Variants in SYT16 observed in about 807,000 individuals in gnomAD.
The protein encoded by SYT16 is synaptotagmin-16.
A neutral mutation model predicts 61.4 loss-of-function variants in SYT16; 42 were observed. That is an observed-to-expected ratio of 0.68 (90% CI 0.53 to 0.89). SYT16 has a LOEUF of 0.89. Among genes scored for constraint, SYT16 ranks in the 40% least tolerant of loss-of-function variants. SYT16 has a pLI of 0.00. For missense variants in SYT16, 804 were observed against 807.3 expected, an observed-to-expected ratio of 1.00 and a Z score of 0.05; for synonymous variants, 314 against 302.3, an observed-to-expected ratio of 1.04 and a Z score of -0.40.
intron 3 of SYT16, among the ~76,000 whole-genome samples, chr14:62,037,744 T>C (rs2054566877): frequency 1.3e-5 from 2 of 152,206 alleles, no homozygotes; most frequent in Non-Finnish European, 1.5e-5. Context: ...TTGAAACATA[T>C]CTAGTCCCAA....
intron 2 of SYT16, among the ~76,000 whole-genome samples, chr14:61,979,549 G>T (rs1171097881): frequency 6.6e-6 from 1 of 152,126 alleles, no homozygotes; most frequent in African/African-American, 2.4e-5. Flanking sequence ...AATAAAAAAA[G>T]AGTACATATT....
At chr14:62,026,112 C>T (rs2054092625) in intron 3 of SYT16, among the ~76,000 whole-genome samples, 1 of 152,092 alleles carries the variant, frequency 6.6e-6, no homozygotes, top group Admixed American at 6.6e-5. Flanking sequence ...TCTGAGCCCT[C>T]AAAGTTTGGA....
chr14:62,055,973 C>T (rs1595292822), intron 3 of SYT16, among the ~76,000 whole-genome samples: 1 of 151,716 alleles, frequency 6.6e-6, no homozygotes, highest in Non-Finnish European at 1.5e-5. Flanking sequence ...GTCCGACGTT[C>T]AAGGGAAGGA....
intron 2 of SYT16, among the ~76,000 whole-genome samples, chr14:61,986,713 C>T (rs1243616445): frequency 6.6e-6 from 1 of 151,898 alleles, no homozygotes; most frequent in African/African-American, 2.4e-5. Flanking sequence ...GTTATTGAGG[C>T]CCTAATTGAA....
intron 1 of SYT16, among the ~76,000 whole-genome samples, chr14:61,844,226 A>G (rs1350160580): frequency 6.6e-6 from 1 of 151,752 alleles, no homozygotes; most frequent in African/African-American, 2.4e-5. Flanking sequence ...TGATTTTTGT[A>G]TGTTGATTTT....
intron 3 of SYT16, among the ~76,000 whole-genome samples, chr14:62,055,116 G>A (rs571705784): frequency 1.4e-4 from 21 of 152,292 alleles, no homozygotes; most frequent in African/African-American, 2.4e-4. Context: ...AAGAACAACC[G>A]TTTGGTTTTG....
chr14:61,874,441 G>A (rs958999261), intron 1 of SYT16, among the ~76,000 whole-genome samples: 1 of 152,202 alleles, frequency 6.6e-6, no homozygotes, highest in South Asian at 2.1e-4. Context: ...TTTATATGAG[G>A]GGGTGATGGT....
At chr14:61,879,948 T>A (rs1188715551) in intron 1 of SYT16, among the ~76,000 whole-genome samples, 3 of 152,196 alleles carry the variant, frequency 2.0e-5, no homozygotes, top group African/African-American at 7.2e-5. Flanking sequence ...CTATTCACTC[T>A]TAGCTGACTA....
rs532095409 is a variant in SYT16, at chr14:61,884,450, G to A, written c.-325+71640G>A. On this transcript the variant is annotated intron_variant, in intron 1 of 7. Transcript: ENST00000683842. ...GGAAGTACCTTCTGTATTACTAAAG[G>A]CACTGTGCTTCAGTCAATGATATGC... Among the ~76,000 whole-genome samples, 148 of 152,212 alleles carry A rather than the reference G, an allele frequency of 9.7e-4. 1 individual carries two copies. Among genetic ancestry groups the A allele is most frequent in the African/African-American group, 3.5e-3 (144 of 41,544 alleles).
chr14:61,885,012 T>G (rs2047846831), intron 1 of SYT16, among the ~76,000 whole-genome samples: 1 of 152,200 alleles, frequency 6.6e-6, no homozygotes, highest in African/African-American at 2.4e-5. Context: ...CCATGAAAGA[T>G]CTGAGCAAAA....
At chr14:61,930,736 G>C (rs533526481) in intron 1 of SYT16, among the ~76,000 whole-genome samples, 8 of 152,014 alleles carry the variant, frequency 5.3e-5, no homozygotes, top group Admixed American at 2.0e-4. Flanking sequence ...ATATAATTAC[G>C]AGTCTATGCA....
intron 1 of SYT16, among the ~76,000 whole-genome samples, chr14:61,842,271 GA>G (rs2046320855): frequency 6.6e-6 from 1 of 152,066 alleles, no homozygotes; most frequent in Admixed American, 6.6e-5. Context: ...TAGGACTTAT[GA>G]ATACTTTCTA....
intron 1 of SYT16, among the ~76,000 whole-genome samples, chr14:61,828,858 C>T (rs2045853144): frequency 6.6e-6 from 1 of 152,176 alleles, no homozygotes; most frequent in South Asian, 2.1e-4. Context: ...CTTATTCTCT[C>T]TTTAAGGCTA....
intron 1 of SYT16, among the ~76,000 whole-genome samples, chr14:61,904,430 G>T (rs1322713506): frequency 1.3e-5 from 2 of 152,186 alleles, no homozygotes; most frequent in Non-Finnish European, 2.9e-5. Flanking sequence ...CCATACCTTG[G>T]AGGCCTGCTT....
intron 1 of SYT16, among the ~76,000 whole-genome samples, chr14:61,964,045 A>C (rs1476715016): frequency 6.6e-6 from 1 of 152,160 alleles, no homozygotes; most frequent in African/African-American, 2.4e-5. Flanking sequence ...GCTCGCTGAC[A>C]ATGCACCTGG....
At chr14:62,064,820 G>A (rs1029231888) in intron 3 of SYT16, among the ~76,000 whole-genome samples, 1 of 152,126 alleles carries the variant, frequency 6.6e-6, no homozygotes. Flanking sequence ...GGGTAAATAA[G>A]TTAACATATG....
chr14:61,990,337 C>A (rs1595095053), intron 2 of SYT16, among the ~76,000 whole-genome samples: 1 of 152,154 alleles, frequency 6.6e-6, no homozygotes, highest in Admixed American at 6.6e-5. Context: ...AGAAAGTTAA[C>A]TGAAAGCTAT....
intron 3 of SYT16, among the ~76,000 whole-genome samples, chr14:62,032,616 G>T (rs2054351532): frequency 6.6e-6 from 1 of 151,776 alleles, no homozygotes; most frequent in African/African-American, 2.4e-5. Context: ...TATTTTAGCT[G>T]TAAATTCCTA....
At position 62,018,536 on chromosome 14, in the gene SYT16, A is replaced by G. The variant is rs184611464; in HGVS notation, c.523+21994A>G. Among the ~76,000 whole-genome samples, 273 of 151,084 alleles carry G rather than the reference A, an allele frequency of 1.8e-3. 1 individual carries two copies. The highest frequency in any genetic ancestry group is 6.3e-3 in the African/African-American group (258 of 41,184). The stretch of plus-strand genomic sequence containing the variant: ...TGGCCAGGCTGGTCTCGAACTCCTG[A>G]CCTCAGGTGATCCGCCCACCCTGGC... On this transcript the variant is annotated intron_variant, in intron 3 of 7. Coordinates refer to ENST00000683842, the MANE Select transcript of SYT16 (RefSeq NM_001367656.1).
Sources: allele counts gnomAD v4.1 joint callset (sites outside exome capture counted in the v4.1 genomes callset), GRCh38; gene constraint gnomAD v4.1.1; transcripts MANE v1.5; gene names NCBI Gene and HGNC (gene_info 2026-07-23, HGNC 2026-07-21).